The following FA2H variants were observed in gnomAD, a reference collection of about 807,000 sequenced individuals.
The protein encoded by FA2H is fatty acid 2-hydroxylase.
FA2H carries 22 observed loss-of-function variants against 44.9 expected under a neutral mutation model. The observed-to-expected ratio is 0.49, with a 90% CI of 0.35 to 0.70. FA2H has a LOEUF of 0.70. FA2H is among the 30% of genes least tolerant of loss of function. FA2H has a pLI of 0.01. For missense variants in FA2H, 501 were observed against 504.9 expected (o/e 0.99, Z 0.07); for synonymous variants, 243 against 213.2 (o/e 1.14, Z -1.22).
intron 1 of FA2H, among the ~76,000 whole-genome samples, chr16:74,747,919 G>C (rs761805070): frequency 6.6e-5 from 10 of 152,170 alleles, no homozygotes; most frequent in Non-Finnish European, 1.5e-4. Flanking sequence ...CGCCACCAAA[G>C]GAGAGGGAAT....
chr16:74,741,808 A>ATATATGTG (rs1491185782), intron 1 of FA2H, among the ~76,000 whole-genome samples: 58 of 48,372 alleles, frequency 1.2e-3, no homozygotes, highest in African/African-American at 3.2e-3. Flanking sequence ...ATATATATAT[A>ATATATGTG]TGTGTGTGTG....
At chr16:74,747,794 C>T (rs1240391260) in intron 1 of FA2H, among the ~76,000 whole-genome samples, 2 of 152,078 alleles carry the variant, frequency 1.3e-5, no homozygotes, top group African/African-American at 2.4e-5. Context: ...TCCAGAGCTG[C>T]GAGACAATAC....
chr16:74,733,529 TACATGC>T (rs1483710212), intron 2 of FA2H, among the ~76,000 whole-genome samples: 1 of 152,102 alleles, frequency 6.6e-6, no homozygotes, highest in Non-Finnish European at 1.5e-5. Context: ...ATTTAGGTGG[TACATGC>T]ACTGATAGGG....
At chr16:74,767,684 A>G (rs1331375399) in intron 1 of FA2H, among the ~76,000 whole-genome samples, 1 of 152,228 alleles carries the variant, frequency 6.6e-6, no homozygotes, top group Non-Finnish European at 1.5e-5. Context: ...TGGAAAAGGC[A>G]GGAAAAAAGA....
intron 2 of FA2H, among the ~76,000 whole-genome samples, chr16:74,738,271 C>G (rs151305738): frequency 6.6e-6 from 1 of 152,114 alleles, no homozygotes; most frequent in Admixed American, 6.5e-5. Context: ...ACAGCTGGCC[C>G]GGAGCCAGGC....
intron 2 of FA2H, among the ~76,000 whole-genome samples, chr16:74,736,024 T>C (rs1962172656): frequency 6.6e-6 from 1 of 151,478 alleles, no homozygotes; most frequent in African/African-American, 2.4e-5. Context: ...TTCTGCATCA[T>C]ACTGGAACAC....
intron 1 of FA2H, among the ~76,000 whole-genome samples, chr16:74,761,939 T>C (rs968257228): frequency 6.6e-6 from 1 of 152,252 alleles, no homozygotes; most frequent in African/African-American, 2.4e-5. Context: ...TGTTAAAGGA[T>C]GAAGAGAGAC....
intron 1 of FA2H, among the ~76,000 whole-genome samples, chr16:74,768,692 TC>T (rs1203642670): frequency 2.6e-5 from 4 of 152,084 alleles, no homozygotes; most frequent in African/African-American, 9.7e-5. Flanking sequence ...AAACTCCAAG[TC>T]TTTCTGCACT....
At chr16:74,774,403 G>C in intron 1 of FA2H, 83 bp downstream of exon 1, 1 of 1,347,938 alleles carries the variant, frequency 7.4e-7, no homozygotes, top group East Asian at 2.8e-5. Flanking sequence ...GGTCCTGCTA[G>C]AGGGCAAGTG....
chr16:74,724,789 C>T (rs1486627496), intron 4 of FA2H, among the ~76,000 whole-genome samples: 2 of 152,112 alleles, frequency 1.3e-5, no homozygotes, highest in Non-Finnish European at 2.9e-5. Context: ...TCAAATCATC[C>T]TCCCTGCCAT....
At chr16:74,763,842 TG>T (rs1248123293) in intron 1 of FA2H, among the ~76,000 whole-genome samples, 2 of 152,254 alleles carry the variant, frequency 1.3e-5, no homozygotes, top group African/African-American at 4.8e-5. Flanking sequence ...CTAGTTTTAC[TG>T]TAACAGGATT....
intron 1 of FA2H, among the ~76,000 whole-genome samples, chr16:74,747,338 GAAA>G (rs1168879523): frequency 2.0e-5 from 3 of 151,316 alleles, no homozygotes; most frequent in African/African-American, 7.3e-5. Flanking sequence ...AAATAAGAAA[GAAA>G]GAAAGAAAGA....
At chr16:74,773,671 C>G (rs1051728921) in intron 1 of FA2H, among the ~76,000 whole-genome samples, 1 of 152,146 alleles carries the variant, frequency 6.6e-6, no homozygotes, top group African/African-American at 2.4e-5. Context: ...TGACCTTAGG[C>G]GCATTAATCA....
chr16:74,764,910 G>A (rs1962780290), intron 1 of FA2H, among the ~76,000 whole-genome samples: 1 of 152,076 alleles, frequency 6.6e-6, no homozygotes, highest in South Asian at 2.1e-4. Flanking sequence ...GACTGGGGGG[G>A]TCTTAACCCT....
chr16:74,759,478 C>T (rs1340709346), intron 1 of FA2H, among the ~76,000 whole-genome samples: 1 of 152,202 alleles, frequency 6.6e-6, no homozygotes, highest in African/African-American at 2.4e-5. Context: ...GTAAGAGTTT[C>T]CCACTCCTTT....
chr16:74,737,849 C>T (rs1381496508), intron 2 of FA2H, among the ~76,000 whole-genome samples: 1 of 152,196 alleles, frequency 6.6e-6, no homozygotes, highest in Non-Finnish European at 1.5e-5. Context: ...AGACCTACCC[C>T]AGCCCCCGCT....
intron 2 of FA2H, among the ~76,000 whole-genome samples, chr16:74,734,423 G>C (rs1370110121): frequency 2.0e-5 from 3 of 152,222 alleles, no homozygotes; most frequent in Non-Finnish European, 1.5e-5. Flanking sequence ...TCAAAGACCC[G>C]ACCAACGGGC....
chr16:74,764,704 T>C (rs1006992203), intron 1 of FA2H, among the ~76,000 whole-genome samples: 1 of 151,250 alleles, frequency 6.6e-6, no homozygotes, highest in Non-Finnish European at 1.5e-5. Context: ...AACCTGCACA[T>C]GTATTGCTGA....
At chr16:74,728,431 T>C (rs758771548) in intron 2 of FA2H, among the ~76,000 whole-genome samples, 2 of 152,008 alleles carry the variant, frequency 1.3e-5, no homozygotes, top group African/African-American at 2.4e-5. Context: ...GATCTGGGTT[T>C]TGGTTTGGAG....
Sources: gnomAD v4.1 joint callset for allele counts (sites outside exome capture counted in the v4.1 genomes callset) on GRCh38, gnomAD v4.1.1 for gene constraint, MANE v1.5 for transcripts, NCBI Gene and HGNC (gene_info 2026-07-23, HGNC 2026-07-21) for gene names.